Variants in PRKN observed in about 807,000 individuals in gnomAD.
PRKN encodes E3 ubiquitin-protein ligase parkin.
PRKN carries 56 observed loss-of-function variants against 59.5 expected under a neutral mutation model. The observed-to-expected ratio is 0.94, with a 90% CI of 0.76 to 1.18. PRKN has a LOEUF of 1.18. Ranked by LOEUF, PRKN falls within the 50% of genes most tolerant of loss-of-function variation. The probability of loss-of-function intolerance (pLI) is 0.00; values close to 1 mark genes in which losing one functional copy is unlikely to be tolerated. For missense variants in PRKN, 657 were observed against 596.4 expected (o/e 1.10, Z -1.06); for synonymous variants, 250 against 222.1 (o/e 1.13, Z -1.12).
In PRKN at chr6:162,283,459, CAA is replaced by C. The variant is rs372976035; in HGVS notation, c.172-20696_172-20695del. On this transcript the variant is annotated intron_variant, in intron 2 of 11. Transcript: ENST00000366898. ...GTAAATCTGGTGCCTTCTGAGACGA[CAA>C]GAGAGGATTAAGGAAATGGTATGAG... Among the ~76,000 whole-genome samples, 101 of 152,162 alleles carry C rather than the reference CAA, an allele frequency of 6.6e-4. 2 individuals are homozygous for C. The South Asian group carries it at 0.019, about 29-fold the overall frequency.
At chr6:161,751,020 C>T (rs1397122946) in intron 7 of PRKN, among the ~76,000 whole-genome samples, 1 of 152,040 alleles carries the variant, frequency 6.6e-6, no homozygotes, top group Non-Finnish European at 1.5e-5. Context: ...AACTGTGGTT[C>T]TCCCTAAATA....
chr6:161,488,486 T>C lies in PRKN; in HGVS notation c.1083+60368A>G, dbSNP rs1312535198. 2.0e-5 allele frequency among the ~76,000 whole-genome samples: 3 copies of C among 152,168 alleles called. No individual in the cohort carries two copies. Among genetic ancestry groups the C allele is most frequent in the Admixed American group, 6.5e-5 (1 of 15,278 alleles). ...GACCGAGAAGGACATCTGAATTTAT[T>C]ATATTTTAATTAATTTTTTTAGAGA... On this transcript the variant is annotated intron_variant, in intron 9 of 11. Coordinates refer to ENST00000366898, the MANE Select transcript of PRKN (RefSeq NM_004562.3). This position sits in a 1 kb window ranked among gnomAD's most constrained non-coding sequence, Gnocchi z 4.5.
Position 162,165,771 on chromosome 6 carries a change from G to A in PRKN, c.534+35360C>T, listed in dbSNP as rs1413472672. Among the ~76,000 whole-genome samples the A allele has an allele frequency of 5.3e-5, 8 of 150,512 alleles. 2 individuals are homozygous for A. Among genetic ancestry groups the A allele is most frequent in the African/African-American group, 7.4e-5 (3 of 40,440 alleles). On this transcript the variant is annotated intron_variant, in intron 4 of 11. Coordinates refer to ENST00000366898, the MANE Select transcript of PRKN (RefSeq NM_004562.3). ...ACATTTACTCAAGAGAAGTGAGGCC[G>A]AGTGTGGTGGCTCATGCCTGTAATC...
intron 6 of PRKN, among the ~76,000 whole-genome samples, chr6:161,836,243 C>A (rs899777486): frequency 6.6e-6 from 1 of 152,268 alleles, no homozygotes; most frequent in East Asian, 1.9e-4. Flanking sequence ...AAAATTTCCA[C>A]ACAGGGTCCT....
At chr6:161,622,220 GGCT>G (rs1236513046) in intron 7 of PRKN, among the ~76,000 whole-genome samples, 6 of 152,130 alleles carry the variant, frequency 3.9e-5, no homozygotes, top group African/African-American at 1.4e-4. Context: ...CACCTGCTCT[GGCT>G]GCTAACTTCT....
At chr6:161,917,104 A>G (rs536096235) in intron 6 of PRKN, among the ~76,000 whole-genome samples, 1 of 151,266 alleles carries the variant, frequency 6.6e-6, no homozygotes, top group South Asian at 2.1e-4. Flanking sequence ...ATCCAGCCTA[A>G]TTTTTCTTTT....
At chr6:162,038,271 T>C (rs1383170478) in intron 5 of PRKN, among the ~76,000 whole-genome samples, 2 of 152,154 alleles carry the variant, frequency 1.3e-5, no homozygotes, top group African/African-American at 2.4e-5. Flanking sequence ...GAAACGGCAA[T>C]TGACTGTGTA....
At chr6:162,516,027 A>C (rs1027450222) in intron 1 of PRKN, among the ~76,000 whole-genome samples, 16 of 152,196 alleles carry the variant, frequency 1.1e-4, no homozygotes, top group South Asian at 2.1e-4. Context: ...TTCTTACCCC[A>C]GTAAGCTGCT....
At chr6:162,313,391 T>C (rs898886026) in intron 2 of PRKN, among the ~76,000 whole-genome samples, 3 of 152,202 alleles carry the variant, frequency 2.0e-5, no homozygotes, top group African/African-American at 7.2e-5. Flanking sequence ...CTTAGCATCA[T>C]GTCTCAAGGT....
chr6:161,887,297 A>G (rs1167740557), intron 6 of PRKN, among the ~76,000 whole-genome samples: 1 of 152,224 alleles, frequency 6.6e-6, no homozygotes, highest in Non-Finnish European at 1.5e-5. Context: ...TGTATGACTT[A>G]CAAAAAAGAT....
Position 161,378,390 on chromosome 6 carries a change from T to G in PRKN, c.1167+8404A>C, listed in dbSNP as rs1785818590. 6.6e-6 allele frequency among the ~76,000 whole-genome samples: 1 copy of G among 152,078 alleles called. No individual in the cohort carries two copies. The highest frequency in any genetic ancestry group is 6.5e-5 in the Admixed American group (1 of 15,280). On this transcript the variant is annotated intron_variant, in intron 10 of 11. Transcript: ENST00000366898. This position sits in a 1 kb window ranked among gnomAD's most constrained non-coding sequence, Gnocchi z 7.3. Reference sequence around the variant, plus strand: ...CCCCCATCTGCCACACCGCCAACATTCAACCTGCCGGCAACAAAGAGCGGC... The same window carrying G: ...CCCCCATCTGCCACACCGCCAACATGCAACCTGCCGGCAACAAAGAGCGGC...
intron 6 of PRKN, among the ~76,000 whole-genome samples, chr6:161,858,164 A>G (rs1416786993): frequency 6.6e-6 from 1 of 152,224 alleles, no homozygotes; most frequent in African/African-American, 2.4e-5. Flanking sequence ...AAAACTGATC[A>G]CAAGTAAGAG....
intron 2 of PRKN, among the ~76,000 whole-genome samples, chr6:162,395,948 G>A (rs1787452753): frequency 6.6e-6 from 1 of 152,194 alleles, no homozygotes; most frequent in Non-Finnish European, 1.5e-5. Context: ...GCACTGTGCT[G>A]TACCCAATGC....
At chr6:162,303,736 A>C (rs1782075685) in intron 2 of PRKN, among the ~76,000 whole-genome samples, 1 of 152,184 alleles carries the variant, frequency 6.6e-6, no homozygotes. Context: ...AAAAGTATAC[A>C]TGTATAGTTG....
intron 7 of PRKN, among the ~76,000 whole-genome samples, chr6:161,707,056 T>C (rs1471834789): frequency 1.3e-5 from 2 of 152,218 alleles, no homozygotes; most frequent in Non-Finnish European, 2.9e-5. Flanking sequence ...CAATTTTTCC[T>C]GTCTCATTGT....
chr6:162,425,891 C>T (rs1441081184), intron 2 of PRKN, among the ~76,000 whole-genome samples: 1 of 152,078 alleles, frequency 6.6e-6, no homozygotes, highest in African/African-American at 2.4e-5. Context: ...ACAGTGAATA[C>T]GGAAAGAAAG....
chr6:162,187,164 C>G (rs1784067171), intron 4 of PRKN, among the ~76,000 whole-genome samples: 1 of 152,110 alleles, frequency 6.6e-6, no homozygotes, highest in Non-Finnish European at 1.5e-5. Context: ...CCTGGAAGAC[C>G]AAGGAGACTC....
intron 5 of PRKN, among the ~76,000 whole-genome samples, chr6:161,995,992 AT>A (rs1404776975): frequency 1.3e-5 from 2 of 152,138 alleles, no homozygotes; most frequent in Admixed American, 1.3e-4. Context: ...AAATTAAAAA[AT>A]CCCCAAAATT....
intron 5 of PRKN, among the ~76,000 whole-genome samples, chr6:162,021,118 ACATATATATATATATAT>A (rs1783136845): frequency 1.9e-4 from 6 of 32,182 alleles, no homozygotes; most frequent in African/African-American, 2.5e-4. Context: ...AAAAACAAAA[ACATATATATATATATAT>A]ATATATATAT....
Sources: gnomAD v4.1 joint callset for allele counts (sites outside exome capture counted in the v4.1 genomes callset) on GRCh38, gnomAD v4.1.1 for gene constraint, Gnocchi (gnomAD v3.1) non-coding constraint, MANE v1.5 for transcripts, NCBI Gene and HGNC (gene_info 2026-07-23, HGNC 2026-07-21) for gene names.